Variants in NMRAL1 observed in about 807,000 individuals in gnomAD.
The protein encoded by NMRAL1 is NmrA like redox sensor 1.
Under a neutral mutation model 27.5 loss-of-function variants are expected in NMRAL1, and 32 were observed. The ratio of observed to expected loss-of-function variants is 1.16; its 90% CI spans 0.88 to 1.56. The LOEUF (loss-of-function observed/expected upper bound fraction) is 1.56. Among genes scored for constraint, NMRAL1 ranks in the 40% most tolerant of loss-of-function variants. The pLI is 0.00. For synonymous variants in NMRAL1, 166 were observed against 166.8 expected (o/e 1.00, Z 0.04); for missense variants, 420 against 392.0 (o/e 1.07, Z -0.60).
Position 4,461,840 on chromosome 16 carries a change from G to A in NMRAL1, c.840C>T (p.Pro280=). ...GCCACTGGTCCAGCGTCAGGGCCTT[G>A]GGGTTGAGTCTCAGGGTCAGCTCGA... is the stretch of plus-strand genomic sequence containing the variant. ...RDIELTLRLN[P]KALTLDQWLE... The change falls in exon 6 of 6, where the codon CCC becomes CCT. Residue 280 remains proline, a synonymous_variant. Coordinates refer to ENST00000283429, the MANE Select transcript of NMRAL1 (RefSeq NM_020677.6). 2 of 1,614,230 alleles carry A rather than the reference G, an allele frequency of 1.2e-6. No individual in the cohort carries two copies. The highest frequency in any genetic ancestry group is 2.2e-5 in the South Asian group (2 of 91,086).
At chr16:4,463,481 G>A (rs2057189689) in intron 5 of NMRAL1, 179 bp downstream of exon 5, 1 of 588,298 alleles carries the variant, frequency 1.7e-6, no homozygotes, top group Admixed American at 3.6e-5. Flanking sequence ...AAACATCTAA[G>A]CCAGAAATTT....
intron 3 of NMRAL1, among the ~76,000 whole-genome samples, chr16:4,468,032 G>A (rs2057395150): frequency 6.6e-6 from 1 of 152,036 alleles, no homozygotes; most frequent in African/African-American, 2.4e-5. Flanking sequence ...GGGCGCAGTG[G>A]CTCATGCCCG....
Position 4,462,029 on chromosome 16 carries a change from G to A in NMRAL1, c.721-70C>T, listed in dbSNP as rs567740340. Reference sequence around the variant, plus strand: ...CGGGAGGTGGCGGGGCAGGGAGGCCGGATGGGCTGGGGTCTCCCGACCTGC... The same window carrying A: ...CGGGAGGTGGCGGGGCAGGGAGGCCAGATGGGCTGGGGTCTCCCGACCTGC... On this transcript the variant is annotated intron_variant, in intron 5 of 5. Transcript: ENST00000283429. The A allele has an allele frequency of 2.4e-4, 328 of 1,357,820 alleles. 1 individual carries two copies. In the African/African-American group the frequency reaches 3.9e-3, roughly 16 times the overall value. The allele number at this position is 1,357,820 out of a possible 1,614,324, so 84.1% of individuals were successfully genotyped here.
chr16:4,466,102 G>A (rs760893677), intron 4 of NMRAL1, 51 bp downstream of exon 4: 1 of 1,607,020 alleles, frequency 6.2e-7, no homozygotes, highest in South Asian at 1.1e-5. Flanking sequence ...TACACCAACG[G>A]CTTTACAGGG....
Position 4,461,958 on chromosome 16 carries a change from A to T in NMRAL1, c.722T>A (p.Met241Lys), listed in dbSNP as rs746392355. ...AAGCTTTTCGTAGTCCTCAGGAGTCATCTGGAAGCAGAGGAGCCTGTCGTG... is the reference window on the plus strand; with the variant it reads ...AAGCTTTTCGTAGTCCTCAGGAGTCTTCTGGAAGCAGAGGAGCCTGTCGTG... ...HTRKVVHDAKMTPEDYEKLGF... is the reference protein window; with the variant it reads ...HTRKVVHDAKKTPEDYEKLGF... The change falls in exon 6 of 6, where the codon ATG becomes AAG. Residue 241 changes from methionine to lysine, a missense_variant and splice_region_variant. Transcript: ENST00000283429. 8 of 1,609,478 alleles carry T rather than the reference A, an allele frequency of 5.0e-6. No homozygotes were observed. The highest frequency in any genetic ancestry group is 1.7e-4 in the Middle Eastern group (1 of 6,046).
intron 2 of NMRAL1, among the ~76,000 whole-genome samples, chr16:4,473,589 C>A (rs1239957456): frequency 6.6e-6 from 1 of 152,000 alleles, no homozygotes; most frequent in African/African-American, 2.4e-5. Context: ...GTATCATGTT[C>A]AAGTACTCCT....
chr16:4,472,909 G>A (rs2057633624), intron 2 of NMRAL1, among the ~76,000 whole-genome samples: 2 of 151,774 alleles, frequency 1.3e-5, no homozygotes, highest in South Asian at 4.2e-4. Flanking sequence ...GTAGATTGGA[G>A]CTTTCTAGGG....
At chr16:4,466,435 CAGA>C (rs761859798) in intron 3 of NMRAL1, 33 bp from the exon 4 acceptor site, 27 of 1,602,028 alleles carry the variant, frequency 1.7e-5, no homozygotes, top group Middle Eastern at 2.2e-4. Flanking sequence ...TCACAAGGCT[CAGA>C]AGAAGGATGT....
chr16:4,465,670 G>A (rs529592869), intron 4 of NMRAL1, among the ~76,000 whole-genome samples: 1 of 152,180 alleles, frequency 6.6e-6, no homozygotes, highest in African/African-American at 2.4e-5. Context: ...GGGTTCAAGC[G>A]ATTCCCCTGC....
At chr16:4,465,866 GAC>G (rs2057302210) in intron 4 of NMRAL1, among the ~76,000 whole-genome samples, 1 of 152,196 alleles carries the variant, frequency 6.6e-6, no homozygotes, top group Non-Finnish European at 1.5e-5. Flanking sequence ...AAGGAGAACT[GAC>G]AATCACTAGG....
intron 2 of NMRAL1, among the ~76,000 whole-genome samples, chr16:4,473,822 A>T (rs1407226648): frequency 6.6e-6 from 1 of 152,012 alleles, no homozygotes; most frequent in Non-Finnish European, 1.5e-5. Context: ...GCTACTCGGG[A>T]GGCTGAGACA....
chr16:4,464,250 C>T (rs1401859289), intron 4 of NMRAL1: 1 of 231,554 alleles, frequency 4.3e-6, no homozygotes, highest in East Asian at 1.1e-4. Flanking sequence ...GAGGCACCAG[C>T]CTGAAGTACT....
rs193060336 is a variant in NMRAL1 at position 4,462,776 on chromosome 16, G to A, written c.721-817C>T. Among the ~76,000 whole-genome samples the A allele has an allele frequency of 2.5e-3, 386 of 152,150 alleles. 4 individuals are homozygous for A. The highest frequency in any genetic ancestry group is 8.9e-3 in the African/African-American group (369 of 41,532). On this transcript the variant is annotated intron_variant, in intron 5 of 5. Transcript: ENST00000283429. ...CCTGACCTTGTAATTGCCCGCCTCA[G>A]CCTCCCAAAGTGCTAGGATTACAGG...
Position 4,463,788 on chromosome 16 carries a change from G to C in NMRAL1, c.592C>G (p.Leu198Val), listed in dbSNP as rs769652938. The change falls in exon 5 of 6, where the codon CTC becomes GTC. Residue 198 changes from leucine to valine, a missense_variant. Leu to Val is a conservative substitution (Grantham distance 32). Coordinates refer to ENST00000283429, the MANE Select transcript of NMRAL1 (RefSeq NM_020677.6). ...TTTTCTGGCATCTTCAAAAGGCTGA[G>C]CACCACAGGACCCAGGTCAGACACG... ...MSVSDLGPVV[L>V]SLLKMPEKYV... is the part of the protein sequence containing the mutation. The C allele has an allele frequency of 6.2e-7, 1 of 1,614,002 alleles. No individual in the cohort carries two copies. Among genetic ancestry groups the C allele is most frequent in the African/African-American group, 1.3e-5 (1 of 74,930 alleles).
chr16:4,471,124 C>T (rs896172885), intron 2 of NMRAL1, among the ~76,000 whole-genome samples: 1 of 151,664 alleles, frequency 6.6e-6, no homozygotes, highest in African/African-American at 2.4e-5. Flanking sequence ...AAGAAAAAAC[C>T]ATATTCAGAT....
intron 5 of NMRAL1, among the ~76,000 whole-genome samples, chr16:4,462,310 C>G (rs1567343083): frequency 6.6e-6 from 1 of 151,988 alleles, no homozygotes; most frequent in African/African-American, 2.4e-5. Context: ...AAAACCCCGT[C>G]TCTTTCAAAA....
intron 3 of NMRAL1, chr16:4,466,694 G>C (rs1238145588): frequency 1.9e-5 from 8 of 420,216 alleles, no homozygotes; most frequent in Admixed American, 3.6e-5. Context: ...GTCTAAAGGA[G>C]AATGCACACG....
At chr16:4,466,102 G>T (rs760893677) in intron 4 of NMRAL1, 51 bp downstream of exon 4, 1 of 1,606,902 alleles carries the variant, frequency 6.2e-7, no homozygotes, top group Non-Finnish European at 8.5e-7. Context: ...TACACCAACG[G>T]CTTTACAGGG....
chr16:4,463,448 A>G (rs934338224), intron 5 of NMRAL1: 39 of 548,240 alleles, frequency 7.1e-5, no homozygotes, highest in Non-Finnish European at 1.1e-4. Flanking sequence ...CTCCTCCTGG[A>G]AGCTTTTCTC....
Sources: allele counts gnomAD v4.1 joint callset (sites outside exome capture counted in the v4.1 genomes callset), GRCh38; gene constraint gnomAD v4.1.1; transcripts MANE v1.5; gene names NCBI Gene and HGNC (gene_info 2026-07-23, HGNC 2026-07-21).